The following TADA2A variants were observed in gnomAD, a reference collection of about 807,000 sequenced individuals.
The protein encoded by TADA2A is transcriptional adapter 2-alpha.
Under a neutral mutation model 67.4 loss-of-function variants are expected in TADA2A, and 38 were observed. The observed-to-expected ratio is 0.56, with a 90% confidence interval of 0.44 to 0.74. TADA2A has a LOEUF of 0.74. Ranked by LOEUF, TADA2A falls within the 30% of genes least tolerant of loss-of-function variation. The pLI, the probability that TADA2A is intolerant of heterozygous loss-of-function variation, is 0.00. For synonymous variants in TADA2A, 192 were observed against 181.6 expected (o/e 1.06, Z -0.46); for missense variants, 454 against 547.0 (o/e 0.83, Z 1.70).
At chr17:37,410,290 ATCC>A (rs760147462) in intron 1 of TADA2A, among the ~76,000 whole-genome samples, 9 of 150,970 alleles carry the variant, frequency 6.0e-5, no homozygotes, top group African/African-American at 2.2e-4. Context: ...GTTCCACCTC[ATCC>A]TCCTGAGTAG....
chr17:37,430,933 T>C lies in TADA2A; in HGVS notation c.192+3924T>C, dbSNP rs1214341149. On this transcript the variant is annotated intron_variant, in intron 4 of 15. Coordinates refer to ENST00000615182, the MANE Select transcript of TADA2A (RefSeq NM_001166105.3). ...AGTGATTATGAATTTAGTATAGATATAGACTCTGAAATTTCTCTGTTGGAT... is the reference window on the plus strand; with the variant it reads ...AGTGATTATGAATTTAGTATAGATACAGACTCTGAAATTTCTCTGTTGGAT... Among the ~76,000 whole-genome samples, 3 of 152,178 alleles carry C rather than the reference T, an allele frequency of 2.0e-5. No individual in the cohort carries two copies. The East Asian group carries it at 5.8e-4, about 29-fold the overall frequency.
In TADA2A at chr17:37,442,576, C is replaced by G. The variant is rs1568158593; in HGVS notation, c.455C>G (p.Pro152Arg). 1 of 1,613,640 alleles carries G rather than the reference C, an allele frequency of 6.2e-7. No individual in the cohort carries two copies. ...TAIPFHSTDD[P>R]PRPTFDSLLS... ...TAAATTCTTCCAGCTACAGATGACC[C>G]TCCCCGACCTACCTTTGACTCCTTG... The change falls in exon 7 of 16, where the codon CCT (proline) becomes CGT (arginine). Residue 152 changes from proline to arginine, a missense_variant. This residue lies in a region of TADA2A where 403 missense variants were observed against 455.5 expected (regional missense o/e 0.88). Transcript: ENST00000615182.
intron 12 of TADA2A, among the ~76,000 whole-genome samples, chr17:37,468,786 T>C (rs1442357480): frequency 6.6e-6 from 1 of 152,220 alleles, no homozygotes; most frequent in African/African-American, 2.4e-5. Context: ...AATGGCAGTT[T>C]CTGTTGTTTT....
intron 14 of TADA2A, among the ~76,000 whole-genome samples, chr17:37,473,417 C>G (rs1392054318): frequency 6.6e-6 from 1 of 152,044 alleles, no homozygotes; most frequent in African/African-American, 2.4e-5. Flanking sequence ...GTAGCCTAGC[C>G]TCTGGTGACT....
At chr17:37,426,059 C>G (rs977488060) in intron 3 of TADA2A, among the ~76,000 whole-genome samples, 1 of 151,992 alleles carries the variant, frequency 6.6e-6, no homozygotes, top group African/African-American at 2.4e-5. Flanking sequence ...ACTGCAGCCT[C>G]GACCTCCTGG....
chr17:37,423,871 T>G (rs1034870694), intron 3 of TADA2A, among the ~76,000 whole-genome samples: 2 of 151,448 alleles, frequency 1.3e-5, no homozygotes, highest in Admixed American at 1.3e-4. Context: ...TGCCTCAGCC[T>G]CCTGAGTAGC....
chr17:37,439,983 G>T (rs1484839951), intron 5 of TADA2A, among the ~76,000 whole-genome samples: 2 of 135,574 alleles, frequency 1.5e-5, no homozygotes, highest in East Asian at 2.2e-4. Flanking sequence ...CGCTCTTGTT[G>T]CCCAGACTGG....
In TADA2A at chr17:37,463,554, A is replaced by G. The variant is rs182893222; in HGVS notation, c.712+1433A>G. On this transcript the variant is annotated intron_variant, in intron 10 of 15. Transcript: ENST00000615182. The stretch of plus-strand genomic sequence containing the variant: ...CAGGAGTTCAAGGCTGCAGTGAGCT[A>G]TAATCATGTCACTGCACTCCAGCCT... Among the ~76,000 whole-genome samples the G allele has an allele frequency of 5.2e-4, 79 of 152,110 alleles. 1 individual carries two copies. In the East Asian group the frequency reaches 0.012, roughly 24 times the overall value.
intron 8 of TADA2A, among the ~76,000 whole-genome samples, chr17:37,453,264 A>C (rs559385900): frequency 6.6e-6 from 1 of 152,336 alleles, no homozygotes; most frequent in Admixed American, 6.5e-5. Context: ...ATCAGAATTT[A>C]TCTCTATTAT....
chr17:37,423,454 CT>C, intron 2 of TADA2A, 54 bp from the exon 3 acceptor site: 2 of 1,377,288 alleles, frequency 1.5e-6, no homozygotes, highest in Non-Finnish European at 2.0e-6. Context: ...CCTTTTTGCA[CT>C]TAAGATAACC....
intron 8 of TADA2A, among the ~76,000 whole-genome samples, chr17:37,447,063 T>C (rs895857489): frequency 2.0e-5 from 3 of 152,254 alleles, no homozygotes; most frequent in Non-Finnish European, 2.9e-5. Context: ...CTGGAACTTA[T>C]GTTATTAATC....
At chr17:37,475,322 G>A (rs1438405905) in intron 15 of TADA2A, among the ~76,000 whole-genome samples, 2 of 151,370 alleles carry the variant, frequency 1.3e-5, no homozygotes, top group African/African-American at 4.9e-5. Flanking sequence ...GACTATAGGC[G>A]CTTGCCACCA....
At chr17:37,443,266 T>C (rs1160792883) in intron 7 of TADA2A, among the ~76,000 whole-genome samples, 1 of 151,974 alleles carries the variant, frequency 6.6e-6, no homozygotes, top group Non-Finnish European at 1.5e-5. Flanking sequence ...TTTTTTTTTT[T>C]TTTGAGACAG....
chr17:37,474,070 T>C (rs1386936748), intron 14 of TADA2A, among the ~76,000 whole-genome samples: 3 of 152,140 alleles, frequency 2.0e-5, no homozygotes, highest in Admixed American at 6.5e-5. Flanking sequence ...GTCTCCTACA[T>C]GGTTAGGAAG....
At chr17:37,427,037 G>A (rs1377163696) in intron 4 of TADA2A, 28 bp downstream of exon 4, 10 of 1,547,538 alleles carry the variant, frequency 6.5e-6, no homozygotes, top group East Asian at 2.4e-5. Context: ...GGGAATTTCT[G>A]TTCACTTTTT....
chr17:37,466,476 C>A (rs1242657937), intron 11 of TADA2A, among the ~76,000 whole-genome samples: 2 of 152,166 alleles, frequency 1.3e-5, no homozygotes, highest in Non-Finnish European at 2.9e-5. Flanking sequence ...AATATGGACT[C>A]TGGCTTGTTC....
intron 4 of TADA2A, among the ~76,000 whole-genome samples, chr17:37,427,735 T>C (rs2052450974): frequency 6.6e-6 from 1 of 152,154 alleles, no homozygotes; most frequent in South Asian, 2.1e-4. Flanking sequence ...ATCCTAGCAC[T>C]TCCAGAGGCC....
At chr17:37,413,919 G>A (rs1223157710) in intron 2 of TADA2A, among the ~76,000 whole-genome samples, 4 of 152,044 alleles carry the variant, frequency 2.6e-5, no homozygotes, top group African/African-American at 9.7e-5. Context: ...CATAGCACTC[G>A]AGAGGTAGTT....
chr17:37,429,633 C>A (rs2052514146), intron 4 of TADA2A, among the ~76,000 whole-genome samples: 1 of 152,086 alleles, frequency 6.6e-6, no homozygotes, highest in Non-Finnish European at 1.5e-5. Context: ...ATATTTACTT[C>A]AGTCTCTTAA....
Sources: gnomAD v4.1 joint callset for allele counts (sites outside exome capture counted in the v4.1 genomes callset) on GRCh38, gnomAD v4.1.1 for gene constraint, gnomAD v4.1.1 regional missense constraint, MANE v1.5 for transcripts, NCBI Gene and HGNC (gene_info 2026-07-23, HGNC 2026-07-21) for gene names.